The following PPP2R5C variants were observed in gnomAD, a reference collection of about 807,000 sequenced individuals.
The protein encoded by PPP2R5C is serine/threonine-protein phosphatase 2A 56 kDa regulatory subunit gamma isoform.
A neutral mutation model predicts 68.9 loss-of-function variants in PPP2R5C; 7 were observed. The ratio of observed to expected loss-of-function variants is 0.10; its 90% CI spans 0.06 to 0.19. PPP2R5C has a LOEUF of 0.19. Among genes scored for constraint, PPP2R5C ranks in the 10% least tolerant of loss-of-function variants. The probability of loss-of-function intolerance (pLI) is 1.00; values close to 1 mark genes in which losing one functional copy is unlikely to be tolerated. For synonymous variants in PPP2R5C, 210 were observed against 222.2 expected (o/e 0.95, Z 0.49); for missense variants, 348 against 641.3 (o/e 0.54, Z 4.94).
chr14:101,791,071 C>T (rs1011165661), intron 3 of PPP2R5C, among the ~76,000 whole-genome samples: 1 of 152,134 alleles, frequency 6.6e-6, no homozygotes, highest in East Asian at 1.9e-4. Flanking sequence ...CAGAGCAAGA[C>T]TCCGTCTCAA....
intron 1 of PPP2R5C, among the ~76,000 whole-genome samples, chr14:101,762,224 G>A (rs1354225339): frequency 3.9e-5 from 6 of 152,064 alleles, no homozygotes; most frequent in Non-Finnish European, 7.4e-5. Flanking sequence ...GGGTCGGAGG[G>A]GCGCCCGTTT....
At chr14:101,764,704 G>A (rs1329659379) in intron 2 of PPP2R5C, among the ~76,000 whole-genome samples, 2 of 151,930 alleles carry the variant, frequency 1.3e-5, no homozygotes, top group African/African-American at 4.8e-5. Flanking sequence ...GCCATGCTGG[G>A]ATTTGACTTG....
intron 1 of PPP2R5C, among the ~76,000 whole-genome samples, chr14:101,851,319 TACTC>T (rs1385308459): frequency 3.9e-5 from 6 of 152,150 alleles, no homozygotes; most frequent in Non-Finnish European, 7.3e-5. Flanking sequence ...TAGTCCCAGC[TACTC>T]AGAGGGCTGG....
At chr14:101,792,970 C>G (rs2038430541) in intron 3 of PPP2R5C, among the ~76,000 whole-genome samples, 1 of 151,922 alleles carries the variant, frequency 6.6e-6, no homozygotes, top group South Asian at 2.1e-4. Flanking sequence ...CTCCGCCTCC[C>G]ACATTCAAAT....
chr14:101,798,072 CTG>C (rs2038698740), intron 3 of PPP2R5C, among the ~76,000 whole-genome samples: 2 of 152,128 alleles, frequency 1.3e-5, no homozygotes, highest in Admixed American at 1.3e-4. Flanking sequence ...CTATTTTAAA[CTG>C]TGAAGTGAAG....
intron 1 of PPP2R5C, among the ~76,000 whole-genome samples, chr14:101,762,354 T>C (rs2036594154): frequency 6.6e-6 from 1 of 152,000 alleles, no homozygotes; most frequent in African/African-American, 2.4e-5. Flanking sequence ...GAGGGACCCC[T>C]GTACGGGGGA....
chr14:101,784,868 C>T (rs911684482), intron 2 of PPP2R5C, among the ~76,000 whole-genome samples: 3 of 152,170 alleles, frequency 2.0e-5, no homozygotes, highest in Non-Finnish European at 2.9e-5. Flanking sequence ...TGGGCCAGGT[C>T]ACTGCTTGCT....
intron 11 of PPP2R5C, among the ~76,000 whole-genome samples, chr14:101,911,992 A>G (rs182455112): frequency 8.7e-4 from 133 of 152,064 alleles, no homozygotes; most frequent in Non-Finnish European, 1.5e-3. Flanking sequence ...TTTCCTTTTT[A>G]ATATTATAGG....
chr14:101,881,138 C>T (rs1195744738), intron 2 of PPP2R5C, among the ~76,000 whole-genome samples: 2 of 152,120 alleles, frequency 1.3e-5, no homozygotes, highest in African/African-American at 4.8e-5. Flanking sequence ...CCTGTAATCC[C>T]AGCACTTTGG....
chr14:101,850,055 C>A (rs1595370809), intron 1 of PPP2R5C, among the ~76,000 whole-genome samples: 1 of 152,176 alleles, frequency 6.6e-6, no homozygotes, highest in East Asian at 1.9e-4. Context: ...AGCATTGAAT[C>A]CGTAGGTCAG....
intron 3 of PPP2R5C, among the ~76,000 whole-genome samples, chr14:101,787,850 G>A (rs1373022461): frequency 6.6e-6 from 1 of 151,728 alleles, no homozygotes; most frequent in Non-Finnish European, 1.5e-5. Flanking sequence ...TACCTTTGTG[G>A]TAGATAATAT....
intron 2 of PPP2R5C, among the ~76,000 whole-genome samples, chr14:101,870,880 G>A (rs185650426): frequency 6.6e-6 from 1 of 152,232 alleles, no homozygotes; most frequent in African/African-American, 2.4e-5. Flanking sequence ...GGTTGTCATT[G>A]TAAATAGATC....
At chr14:101,870,774 G>A (rs2043356775) in intron 2 of PPP2R5C, among the ~76,000 whole-genome samples, 1 of 152,218 alleles carries the variant, frequency 6.6e-6, no homozygotes, top group South Asian at 2.1e-4. Flanking sequence ...TATGTACACA[G>A]CATGTCTCCC....
intron 1 of PPP2R5C, among the ~76,000 whole-genome samples, chr14:101,823,117 C>T (rs1229774480): frequency 6.6e-6 from 1 of 152,160 alleles, no homozygotes; most frequent in Non-Finnish European, 1.5e-5. Context: ...CACTACTTGA[C>T]ATTTAAATGT....
chr14:101,841,880 G>A (rs2041495753), intron 1 of PPP2R5C, among the ~76,000 whole-genome samples: 1 of 152,298 alleles, frequency 6.6e-6, no homozygotes, highest in South Asian at 2.1e-4. Context: ...TCTGGAAGGT[G>A]GGGAGCGCCT....
intron 2 of PPP2R5C, among the ~76,000 whole-genome samples, chr14:101,769,133 T>C (rs1170148223): frequency 6.6e-6 from 1 of 152,254 alleles, no homozygotes; most frequent in Non-Finnish European, 1.5e-5. Flanking sequence ...CCCTTTCATC[T>C]TTTTAGCTCC....
At chr14:101,862,927 C>CT (rs1483528048) in intron 2 of PPP2R5C, among the ~76,000 whole-genome samples, 4 of 151,372 alleles carry the variant, frequency 2.6e-5, no homozygotes, top group African/African-American at 9.7e-5. Flanking sequence ...TCAAGCAATC[C>CT]TCCCCCTCCC....
intron 2 of PPP2R5C, among the ~76,000 whole-genome samples, chr14:101,866,498 C>T (rs772474011): frequency 6.6e-6 from 1 of 152,000 alleles, no homozygotes; most frequent in Non-Finnish European, 1.5e-5. Flanking sequence ...GGTGAAACCC[C>T]ATCTCTACTA....
chr14:101,837,596 C>T (rs574777267), intron 1 of PPP2R5C, among the ~76,000 whole-genome samples: 1 of 152,192 alleles, frequency 6.6e-6, no homozygotes, highest in Non-Finnish European at 1.5e-5. Context: ...CCAGGCATCC[C>T]TGGGAGTCCC....
Sources: allele counts gnomAD v4.1 joint callset (sites outside exome capture counted in the v4.1 genomes callset), GRCh38; gene constraint gnomAD v4.1.1; transcripts MANE v1.5; gene names NCBI Gene and HGNC (gene_info 2026-07-23, HGNC 2026-07-21).